The following MAP2K4 variants were observed in gnomAD, a reference collection of about 807,000 sequenced individuals.
MAP2K4 encodes the protein mitogen-activated protein kinase kinase 4.
In MAP2K4, 4 loss-of-function variants were observed where a neutral mutation model predicts 48.5. That is an observed-to-expected ratio of 0.08 (90% CI 0.04 to 0.19). The LOEUF (loss-of-function observed/expected upper bound fraction) is 0.19. MAP2K4 is among the 10% of genes least tolerant of loss of function. The probability of loss-of-function intolerance (pLI) is 1.00; values close to 1 mark genes in which losing one functional copy is unlikely to be tolerated. For synonymous variants in MAP2K4, 166 were observed against 173.1 expected (o/e 0.96, Z 0.32); for missense variants, 258 against 493.3 (o/e 0.52, Z 4.52).
intron 1 of MAP2K4, among the ~76,000 whole-genome samples, chr17:12,048,802 G>A (rs1970044019): frequency 6.6e-6 from 1 of 151,814 alleles, no homozygotes; most frequent in Non-Finnish European, 1.5e-5. Flanking sequence ...GATTACAGGT[G>A]TCTGCCACCA....
At chr17:12,113,391 A>T in intron 7 of MAP2K4, 31 bp downstream of exon 7, 1 of 1,608,910 alleles carries the variant, frequency 6.2e-7, no homozygotes, top group Non-Finnish European at 8.5e-7. Context: ...TTCTTGCTTG[A>T]TAGTCATTGC....
chr17:12,099,566 A>G lies in MAP2K4; in HGVS notation c.513+3872A>G, dbSNP rs568117734. ...TTCTATGTTGCCACTATCTTCAACC[A>G]TGCATACTTCTTTCTAGGATGGAAC... is the stretch of plus-strand genomic sequence containing the variant. On this transcript the variant is annotated intron_variant, in intron 4 of 10. Coordinates refer to ENST00000353533, the MANE Select transcript of MAP2K4 (RefSeq NM_003010.4). Among the ~76,000 whole-genome samples, 6 of 152,288 alleles carry G rather than the reference A, an allele frequency of 3.9e-5. No homozygotes were observed. In the South Asian group the frequency reaches 8.3e-4, roughly 21 times the overall value.
At position 12,081,170 on chromosome 17, in the gene MAP2K4, A is replaced by G. The variant is rs1971174991; in HGVS notation, c.219-186A>G. On this transcript the variant is annotated intron_variant, in intron 2 of 10. Transcript: ENST00000353533. This position sits in a 1 kb window ranked among gnomAD's most constrained non-coding sequence, Gnocchi z 4.2. Reference sequence around the variant, plus strand: ...GAAGCTGTGTCTATTGACTACCTAAATCTAGATCATTCTTAATCCAGTGTG... The same window carrying G: ...GAAGCTGTGTCTATTGACTACCTAAGTCTAGATCATTCTTAATCCAGTGTG... Among the ~76,000 whole-genome samples the G allele has an allele frequency of 6.6e-6, 1 of 152,218 alleles. No individual in the cohort carries two copies.
intron 1 of MAP2K4, among the ~76,000 whole-genome samples, chr17:12,051,757 G>A (rs1338861709): frequency 6.6e-6 from 1 of 151,970 alleles, no homozygotes; most frequent in Non-Finnish European, 1.5e-5. Context: ...CTATTTGCTT[G>A]TAATTTTTTG....
At chr17:12,037,237 T>C (rs935953019) in intron 1 of MAP2K4, among the ~76,000 whole-genome samples, 1 of 152,120 alleles carries the variant, frequency 6.6e-6, no homozygotes, top group Non-Finnish European at 1.5e-5. Context: ...TATCCCTAAT[T>C]GTTTTTTAAA....
chr17:12,039,424 G>A (rs1022544418), intron 1 of MAP2K4, among the ~76,000 whole-genome samples: 13 of 152,052 alleles, frequency 8.5e-5, no homozygotes, highest in African/African-American at 3.1e-4. Context: ...CACAAAAATA[G>A]AGTAGTGTAA....
chr17:12,124,667 A>G (rs1055325921), intron 7 of MAP2K4: 1 of 151,290 alleles, frequency 6.6e-6, no homozygotes, highest in Non-Finnish European at 1.5e-5. Flanking sequence ...TTTTTTTAAA[A>G]CCTTTTTATT....
chr17:12,119,267 T>A (rs1972599139), intron 7 of MAP2K4, among the ~76,000 whole-genome samples: 1 of 152,208 alleles, frequency 6.6e-6, no homozygotes, highest in Non-Finnish European at 1.5e-5. Flanking sequence ...AAAGTTCTAA[T>A]ATTCAGCATC....
At chr17:12,026,309 G>A (rs925440819) in intron 1 of MAP2K4, among the ~76,000 whole-genome samples, 6 of 150,462 alleles carry the variant, frequency 4.0e-5, no homozygotes, top group African/African-American at 1.5e-4. Flanking sequence ...CTGGATTGAT[G>A]TGAGCCCATA....
chr17:12,097,773 G>T (rs1971807820), intron 4 of MAP2K4, among the ~76,000 whole-genome samples: 1 of 152,160 alleles, frequency 6.6e-6, no homozygotes, highest in Admixed American at 6.5e-5. Flanking sequence ...TAGCAGAGAT[G>T]GGATTCCAGA....
intron 3 of MAP2K4, among the ~76,000 whole-genome samples, chr17:12,082,786 GTA>G: frequency 6.6e-6 from 1 of 152,324 alleles, no homozygotes; most frequent in Middle Eastern, 3.4e-3. Context: ...ATAGGCAGGT[GTA>G]TATACACAAC....
rs71947375 is a variant in MAP2K4, at chr17:12,095,895, TTGTGTGTG to T, written c.513+227_513+234del. ...GGTAAGGGGTGAATCACACGTGTGT[TTGTGTGTG>T]TGTGTGTGTGTGTGTGTGTGTGTGT... On this transcript the variant is annotated intron_variant, in intron 4 of 10. Coordinates refer to ENST00000353533, the MANE Select transcript of MAP2K4 (RefSeq NM_003010.4). 6.0e-3 allele frequency among the ~76,000 whole-genome samples: 882 copies of T among 147,384 alleles called. 5 individuals are homozygous for T. Among genetic ancestry groups the T allele is most frequent in the East Asian group, 0.053 (264 of 4,952 alleles).
chr17:12,137,831 T>G (rs1185184109), intron 9 of MAP2K4, among the ~76,000 whole-genome samples: 2 of 152,086 alleles, frequency 1.3e-5, no homozygotes, highest in Admixed American at 1.3e-4. Context: ...AAAGTAAATT[T>G]TAATTGATAT....
chr17:12,119,240 A>G (rs1039587246), intron 7 of MAP2K4, among the ~76,000 whole-genome samples: 2 of 152,230 alleles, frequency 1.3e-5, no homozygotes, highest in African/African-American at 4.8e-5. Flanking sequence ...ATATTTACAA[A>G]TAACTATGTG....
At chr17:12,107,727 TTTAAG>T in intron 4 of MAP2K4, 58 bp from the exon 5 acceptor site, 1 of 1,367,104 alleles carries the variant, frequency 7.3e-7, no homozygotes, top group Non-Finnish European at 1.0e-6. Context: ...GTATTTCCAT[TTTAAG>T]TAAAGGCAAG....
chr17:12,141,011 G>C, intron 10 of MAP2K4, 136 bp from the exon 11 acceptor site: 1 of 641,836 alleles, frequency 1.6e-6, no homozygotes. Context: ...TCGCCTCTCT[G>C]AACTTGTAGT....
chr17:12,054,810 G>A (rs1027544738), intron 1 of MAP2K4, 79 bp from the exon 2 acceptor site: 9 of 804,268 alleles, frequency 1.1e-5, no homozygotes, highest in Admixed American at 2.2e-5. Flanking sequence ...TTGCCTTTTG[G>A]TGTGACTTTC....
intron 4 of MAP2K4, among the ~76,000 whole-genome samples, chr17:12,106,606 A>G (rs190826880): frequency 1.3e-5 from 2 of 152,258 alleles, no homozygotes; most frequent in Admixed American, 1.3e-4. Flanking sequence ...TAATTATTAT[A>G]TAATCGAAGG....
rs747405834 is a variant in MAP2K4 at position 12,131,875 on chromosome 17, A to C, written c.1040+2588A>C. 5.5e-4 allele frequency among the ~76,000 whole-genome samples: 84 copies of C among 152,248 alleles called. 1 individual carries two copies. The highest frequency in any genetic ancestry group is 1.5e-4 in the Non-Finnish European group (10 of 68,048). ...ACACAGAATATGTAAAGAATACTTA[A>C]AAATGTAAAACACTTATGAAAAATA... On this transcript the variant is annotated intron_variant, in intron 9 of 10. Coordinates refer to ENST00000353533, the MANE Select transcript of MAP2K4 (RefSeq NM_003010.4).
Sources: allele counts gnomAD v4.1 joint callset (sites outside exome capture counted in the v4.1 genomes callset), GRCh38; gene constraint gnomAD v4.1.1; non-coding constraint Gnocchi (gnomAD v3.1); transcripts MANE v1.5; gene names NCBI Gene and HGNC (gene_info 2026-07-23, HGNC 2026-07-21).